Variants in NAT1 observed in about 807,000 individuals in gnomAD.
NAT1 encodes the protein arylamine N-acetyltransferase 1.
For missense variants in NAT1, 400 were observed against 339.2 expected (o/e 1.18, Z -1.41); for synonymous variants, 144 against 122.6 (o/e 1.17, Z -1.16).
At chr8:18,182,237 G>A (rs888528818) in intron 2 of NAT1, among the ~76,000 whole-genome samples, 1 of 152,088 alleles carries the variant, frequency 6.6e-6, no homozygotes, top group African/African-American at 2.4e-5. Flanking sequence ...TTCCTGTGGG[G>A]GGTGATTGAC....
intron 2 of NAT1, among the ~76,000 whole-genome samples, chr8:18,202,858 T>G (rs1162067387): frequency 6.6e-6 from 1 of 152,136 alleles, no homozygotes; most frequent in Non-Finnish European, 1.5e-5. Flanking sequence ...ACTGCTGGCT[T>G]GGGTGACCGG....
intron 2 of NAT1, among the ~76,000 whole-genome samples, chr8:18,184,210 G>A (rs749186838): frequency 1.9e-4 from 29 of 152,186 alleles, no homozygotes; most frequent in Non-Finnish European, 4.0e-4. Context: ...CTGGCACTAT[G>A]TGAGCCTGCA....
chr8:18,214,201 TG>T (rs1804403681), intron 1 of NAT1, among the ~76,000 whole-genome samples: 1 of 152,200 alleles, frequency 6.6e-6, no homozygotes, highest in African/African-American at 2.4e-5. Flanking sequence ...TGTTCTGTAT[TG>T]GAAGGAGTCA....
intron 2 of NAT1, among the ~76,000 whole-genome samples, chr8:18,186,671 C>A (rs999711501): frequency 8.6e-5 from 13 of 151,880 alleles, no homozygotes; most frequent in Admixed American, 3.9e-4. Context: ...TTTTATTATT[C>A]CTTTTCTTTT....
chr8:18,186,253 T>G (rs957087199), intron 2 of NAT1, among the ~76,000 whole-genome samples: 6 of 152,190 alleles, frequency 3.9e-5, no homozygotes, highest in African/African-American at 1.4e-4. Flanking sequence ...CTTCCCGTAG[T>G]TCTTTTTCAT....
At chr8:18,183,609 G>A (rs1322854243) in intron 2 of NAT1, among the ~76,000 whole-genome samples, 1 of 152,192 alleles carries the variant, frequency 6.6e-6, no homozygotes, top group African/African-American at 2.4e-5. Flanking sequence ...ATCATTTTCT[G>A]TGTTCCCTTA....
At chr8:18,197,578 T>C (rs569449862) in intron 2 of NAT1, among the ~76,000 whole-genome samples, 28 of 152,218 alleles carry the variant, frequency 1.8e-4, no homozygotes, top group Non-Finnish European at 3.1e-4. Context: ...GTCAGTAGTG[T>C]TGAGATTCAG....
At chr8:18,200,844 C>T (rs1035660887) in intron 2 of NAT1, 6 of 151,976 alleles carry the variant, frequency 3.9e-5, no homozygotes, top group African/African-American at 1.5e-4. Context: ...GGTAGCAACA[C>T]TCAGGACCTT....
At chr8:18,189,193 C>T (rs1314380728) in intron 2 of NAT1, among the ~76,000 whole-genome samples, 1 of 151,982 alleles carries the variant, frequency 6.6e-6, no homozygotes. Context: ...TTAGGGGTTC[C>T]TTGAGGATTT....
chr8:18,209,567 G>A (rs542591802), upstream of NAT1, among the ~76,000 whole-genome samples: 132 of 152,278 alleles, frequency 8.7e-4, no homozygotes, highest in African/African-American at 3.1e-3. Context: ...CATAAACAAA[G>A]CCATATGACA....
chr8:18,178,069 C>T (rs1802359863), intron 2 of NAT1, among the ~76,000 whole-genome samples: 1 of 152,020 alleles, frequency 6.6e-6, no homozygotes, highest in African/African-American at 2.4e-5. Flanking sequence ...ATTATTAGGT[C>T]ACATGATTGG....
chr8:18,196,397 GGAAAAAA>G (rs1803235603), intron 2 of NAT1, among the ~76,000 whole-genome samples: 1 of 150,508 alleles, frequency 6.6e-6, no homozygotes, highest in Non-Finnish European at 1.5e-5. Context: ...GAACATATGA[GGAAAAAA>G]GAAAAAAAAA....
Position 18,222,830 on chromosome 8 carries a change from A to T in NAT1, c.783A>T (p.Glu261Asp). The T allele has an allele frequency of 6.2e-7, 1 of 1,606,020 alleles. No homozygotes were observed. Among genetic ancestry groups the T allele is most frequent in the Non-Finnish European group, 8.5e-7 (1 of 1,177,544 alleles). The change falls in exon 3 of 3, where the codon GAA (glutamate) becomes GAT (aspartate). Residue 261 changes from glutamate (E) to aspartate (D), a missense_variant. Physicochemically the swap from Glu to Asp is conservative, Grantham distance 45 (BLOSUM62 2). Transcript: ENST00000307719. ...DLIEFKTLSE[E>D]EIEKVLKNIF... ...TAGAGTTCAAGACTCTGAGTGAGGA[A>T]GAAATAGAAAAAGTGCTGAAAAATA...
At chr8:18,190,401 T>A (rs183208178) in intron 2 of NAT1, among the ~76,000 whole-genome samples, 1 of 152,380 alleles carries the variant, frequency 6.6e-6, no homozygotes, top group East Asian at 1.9e-4. Flanking sequence ...AGTATTTAAA[T>A]TGTGGCCACA....
intron 2 of NAT1, among the ~76,000 whole-genome samples, chr8:18,188,514 A>G (rs1280345880): frequency 6.6e-6 from 1 of 152,156 alleles, no homozygotes; most frequent in African/African-American, 2.4e-5. Context: ...AGTCAAAAAA[A>G]GTTGATTTTA....
intron 2 of NAT1, among the ~76,000 whole-genome samples, chr8:18,196,965 GT>G (rs1256262479): frequency 6.6e-6 from 1 of 152,096 alleles, no homozygotes; most frequent in African/African-American, 2.4e-5. Context: ...AAGGAAAGAG[GT>G]TTCGTTGACT....
At chr8:18,172,505 T>C (rs1214858610) in intron 2 of NAT1, among the ~76,000 whole-genome samples, 1 of 152,182 alleles carries the variant, frequency 6.6e-6, no homozygotes, top group African/African-American at 2.4e-5. Context: ...ATGCAATCCA[T>C]GTACCAGTCA....
intron 2 of NAT1, among the ~76,000 whole-genome samples, chr8:18,219,954 C>A (rs1206991248): frequency 6.6e-6 from 1 of 152,026 alleles, no homozygotes; most frequent in Non-Finnish European, 1.5e-5. Flanking sequence ...CAAGTTAAAC[C>A]AAATAAAAGA....
At chr8:18,181,019 T>G (rs913044208) in intron 2 of NAT1, among the ~76,000 whole-genome samples, 2 of 152,136 alleles carry the variant, frequency 1.3e-5, no homozygotes, top group African/African-American at 4.8e-5. Context: ...ATTTTAGAAT[T>G]TTTTTTCTAT....
Sources: allele counts gnomAD v4.1 joint callset (sites outside exome capture counted in the v4.1 genomes callset), GRCh38; gene constraint gnomAD v4.1.1; transcripts MANE v1.5; gene names NCBI Gene and HGNC (gene_info 2026-07-23, HGNC 2026-07-21).